The following ZNF331 variants were observed in gnomAD, a reference collection of about 807,000 sequenced individuals.
The protein encoded by ZNF331 is zinc finger protein 331, also known as C2H2-like zinc finger protein rearranged in thyroid adenomas.
In ZNF331, 2 loss-of-function variants were observed where a neutral mutation model predicts 7.0. That is an observed-to-expected ratio of 0.29 (90% CI 0.12 to 0.90). ZNF331 has a LOEUF of 0.90. Among genes scored for constraint, ZNF331 ranks in the 40% least tolerant of loss-of-function variants. The pLI, the probability that ZNF331 is intolerant of heterozygous loss-of-function variation, is 0.58. For synonymous variants in ZNF331, 196 were observed against 205.4 expected (o/e 0.95, Z 0.39); for missense variants, 432 against 587.7 (o/e 0.74, Z 2.74).
intron 2 of ZNF331, among the ~76,000 whole-genome samples, chr19:53,549,309 T>C (rs1409357870): frequency 6.6e-6 from 1 of 152,168 alleles, no homozygotes; most frequent in Admixed American, 6.6e-5. Context: ...GCCAGTATTA[T>C]AACCGTAATA....
At chr19:53,534,330 T>C (rs149761379), upstream of ZNF331, among the ~76,000 whole-genome samples, 3,635 of 152,130 alleles carry the variant, frequency 0.024, 159 homozygotes, top group African/African-American at 0.082. Context: ...CTCTGTTGCC[T>C]GGGCTGGAGT....
chr19:53,542,788 G>A (rs1035932401), intron 2 of ZNF331, among the ~76,000 whole-genome samples: 4 of 152,072 alleles, frequency 2.6e-5, no homozygotes, highest in East Asian at 1.9e-4. Flanking sequence ...TATTGATTAC[G>A]CAGACAGCGG....
Position 53,577,556 on chromosome 19 carries a change from T to C in ZNF331, c.996T>C (p.Cys332=). Residue 332 remains cysteine (C), a synonymous_variant, in exon 6 of 6, where the codon TGT becomes TGC. Coordinates refer to ENST00000449416, the MANE Select transcript of ZNF331 (RefSeq NM_001079906.2). ...TGEKPHECKE[C]GKAFRWGSSL... ...AGAAGCCTCACGAATGTAAGGAGTG[T>C]GGGAAGGCCTTTCGCTGGGGTTCGA... is the stretch of plus-strand genomic sequence containing the variant. 1 of 1,613,756 alleles carries C rather than the reference T, an allele frequency of 6.2e-7. No individual in the cohort carries two copies. Among genetic ancestry groups the C allele is most frequent in the East Asian group, 2.2e-5 (1 of 44,862 alleles).
chr19:53,559,627 TAC>T (rs138539562), intron 3 of ZNF331, among the ~76,000 whole-genome samples: 47,946 of 150,024 alleles, frequency 0.32, 8,300 homozygotes, highest in South Asian at 0.54. Flanking sequence ...TACACACATA[TAC>T]ACACACATCC....
At chr19:53,568,061 C>T (rs996737449) in intron 3 of ZNF331, among the ~76,000 whole-genome samples, 4 of 151,860 alleles carry the variant, frequency 2.6e-5, no homozygotes, top group Non-Finnish European at 4.4e-5. Flanking sequence ...CCAGCCTGGC[C>T]AACATGGTGA....
Position 53,580,181 on chromosome 19 carries a change from A to G in ZNF331, c.*2229A>G. 5.1e-6 allele frequency: 1 copy of G among 197,904 alleles called. No homozygotes were observed. The highest frequency in any genetic ancestry group is 1.7e-3 in the Middle Eastern group (1 of 578). 12.3% of individuals were successfully genotyped at this position (197,904 alleles called of 1,614,324 possible). A position where few individuals can be genotyped will look rare whatever the true frequency, so the allele number is the denominator to read the frequency against. On this transcript the variant is annotated 3_prime_UTR_variant, in exon 6 of 6. Coordinates refer to ENST00000449416, the MANE Select transcript of ZNF331 (RefSeq NM_001079906.2). The stretch of plus-strand genomic sequence containing the variant: ...TTGATTTAATCCTTCCACATTGTAT[A>G]CATGTATCAGAACATCACATTGTAC...
intron 2 of ZNF331, among the ~76,000 whole-genome samples, chr19:53,543,510 G>A (rs1340147608): frequency 3.3e-5 from 5 of 150,128 alleles, no homozygotes; most frequent in African/African-American, 4.9e-5. Context: ...GATCCGATCC[G>A]CCTGCCTTGG....
chr19:53,552,201 C>T (rs1660592222), intron 2 of ZNF331, among the ~76,000 whole-genome samples: 1 of 152,146 alleles, frequency 6.6e-6, no homozygotes, highest in South Asian at 2.1e-4. Context: ...TTGGCATCTT[C>T]TAAGATCATA....
Position 53,578,086 on chromosome 19 carries a change from G to A in ZNF331, c.*134G>A. Reference sequence around the variant, plus strand: ...TAAAGAATTTTAAGTCTCAAATGGTGTGCCCTTCTGAGTAGCGTGATGAAA... The same window carrying A: ...TAAAGAATTTTAAGTCTCAAATGGTATGCCCTTCTGAGTAGCGTGATGAAA... On this transcript the variant is annotated 3_prime_UTR_variant, in exon 6 of 6. Transcript: ENST00000449416. The A allele has an allele frequency of 8.7e-7, 1 of 1,154,898 alleles. No individual in the cohort carries two copies. The highest frequency in any genetic ancestry group is 1.6e-5 in the South Asian group (1 of 60,782). 71.5% of individuals were successfully genotyped at this position (1,154,898 alleles called of 1,614,324 possible).
intron 2 of ZNF331, among the ~76,000 whole-genome samples, chr19:53,553,001 G>T (rs2089112597): frequency 6.6e-6 from 1 of 151,940 alleles, no homozygotes; most frequent in Non-Finnish European, 1.5e-5. Flanking sequence ...TAGAGCCTAT[G>T]TTCTTAATTT....
At chr19:53,550,422 G>A (rs955601963) in intron 2 of ZNF331, among the ~76,000 whole-genome samples, 1 of 150,900 alleles carries the variant, frequency 6.6e-6, no homozygotes, top group Non-Finnish European at 1.5e-5. Flanking sequence ...AATGCTGGAT[G>A]CATACATATC....
intron 3 of ZNF331, among the ~76,000 whole-genome samples, chr19:53,565,735 G>A (rs528454118): frequency 6.6e-6 from 1 of 150,736 alleles, no homozygotes; most frequent in East Asian, 2.0e-4. Context: ...CACCATGTTG[G>A]CCAGGCTGGT....
intron 2 of ZNF331, among the ~76,000 whole-genome samples, chr19:53,540,646 T>C (rs1342787397): frequency 6.6e-6 from 1 of 152,172 alleles, no homozygotes; most frequent in African/African-American, 2.4e-5. Flanking sequence ...TTGATCAGGC[T>C]GGTCTCGAAC....
At chr19:53,506,452 C>CTCTG in the ZNF331 span, among the ~76,000 whole-genome samples, 3 of 91,084 alleles carry the variant, frequency 3.3e-5, no homozygotes, top group Admixed American at 1.2e-4. Context: ...CTGTCTCTCT[C>CTCTG]TCTCTCTCTC....
the ZNF331 span, among the ~76,000 whole-genome samples, chr19:53,508,317 G>A: frequency 9.9e-5 from 15 of 152,208 alleles, no homozygotes; most frequent in Non-Finnish European, 2.1e-4. Flanking sequence ...ATCATGTCAC[G>A]CCAGCTGACT....
chr19:53,563,904 G>C (rs1050665009), intron 3 of ZNF331: 1 of 151,556 alleles, frequency 6.6e-6, no homozygotes, highest in African/African-American at 2.4e-5. Context: ...GCGTGGGCGC[G>C]CACCTGTAGT....
chr19:53,548,639 C>G (rs1275996840), intron 2 of ZNF331, among the ~76,000 whole-genome samples: 1 of 152,032 alleles, frequency 6.6e-6, no homozygotes, highest in African/African-American at 2.4e-5. Flanking sequence ...CATTTTGTTT[C>G]CTTTGCTGTG....
intron 2 of ZNF331, among the ~76,000 whole-genome samples, chr19:53,543,743 A>G (rs2088349174): frequency 6.6e-6 from 1 of 152,210 alleles, no homozygotes; most frequent in African/African-American, 2.4e-5. Context: ...CAGTTGTAAC[A>G]ATCATACCAT....
chr19:53,520,700 TC>T (rs2087035701), upstream of ZNF331, among the ~76,000 whole-genome samples: 1 of 152,200 alleles, frequency 6.6e-6, no homozygotes, highest in Admixed American at 6.5e-5. Context: ...GGGGCATGGC[TC>T]CATTAGGGCC....
Sources: gnomAD v4.1 joint callset for allele counts (sites outside exome capture counted in the v4.1 genomes callset) on GRCh38, gnomAD v4.1.1 for gene constraint, MANE v1.5 for transcripts, NCBI Gene and HGNC (gene_info 2026-07-23, HGNC 2026-07-21) for gene names.